Variants in COL4A6 observed in about 807,000 individuals in gnomAD.
COL4A6 encodes collagen type IV alpha 6 chain.
Under a neutral mutation model 126.7 loss-of-function variants are expected in COL4A6, and 59 were observed. That is an observed-to-expected ratio of 0.47 (90% CI 0.38 to 0.58). The LOEUF (loss-of-function observed/expected upper bound fraction) is 0.58. COL4A6 is among the 20% of genes least tolerant of loss of function. The pLI is 0.00. For missense variants in COL4A6, 1,285 were observed against 1,337.3 expected (o/e 0.96, Z 0.61); for synonymous variants, 547 against 496.6 (o/e 1.10, Z -1.35).
At chrX:108,214,324 T>C in intron 5 of COL4A6, 96 bp from the exon 6 acceptor site, 2 of 571,659 alleles carry the variant, frequency 3.5e-6, no homozygotes, top group South Asian at 5.9e-5. Flanking sequence ...GCTATTAAAC[T>C]GTGGCTCCTT....
At chrX:108,285,072 G>C (rs1162614043) in intron 3 of COL4A6, among the ~76,000 whole-genome samples, 2 of 111,734 alleles carry the variant, frequency 1.8e-5, no homozygotes, top group Admixed American at 9.6e-5. Flanking sequence ...AAAACCACCT[G>C]TTCTTTCCCA....
intron 3 of COL4A6, among the ~76,000 whole-genome samples, chrX:108,277,558 G>T (rs1389372081): frequency 1.6e-4 from 18 of 112,437 alleles, no homozygotes; most frequent in Non-Finnish European, 1.9e-5. Context: ...ACCTCTGGGG[G>T]CAGGGCACAA....
chrX:108,357,658 A>G (rs1338573714), intron 2 of COL4A6, among the ~76,000 whole-genome samples: 1 of 110,664 alleles, frequency 9.0e-6, no homozygotes, highest in Non-Finnish European at 1.9e-5. Flanking sequence ...CTCCCTTTAC[A>G]CTACACACTA....
chrX:108,336,547 G>C (rs2039435866), intron 2 of COL4A6, among the ~76,000 whole-genome samples: 2 of 111,051 alleles, frequency 1.8e-5, no homozygotes, highest in African/African-American at 6.5e-5. Flanking sequence ...AGAAAGTTCT[G>C]GAAGTAGATA....
chrX:108,169,547 A>G lies in COL4A6; in HGVS notation c.3639T>C (p.Ile1213=). The change falls in exon 37 of 45, where the codon ATT becomes ATC. Residue 1213 remains isoleucine (I), a synonymous_variant. Coordinates refer to ENST00000334504, the MANE Select transcript of COL4A6 (RefSeq NM_033641.4). ...GPKGEKGYPG[I]GIGAPGKPGL... ...CCGGCTTCCCTGGAGCTCCGATGCCAATTCCTGGATATCCTTTTTCTCCTT... is the reference window on the plus strand; with the variant it reads ...CCGGCTTCCCTGGAGCTCCGATGCCGATTCCTGGATATCCTTTTTCTCCTT... The G allele has an allele frequency of 8.3e-7, 1 of 1,211,554 alleles. No homozygotes were observed. The highest frequency in any genetic ancestry group is 1.1e-6 in the Non-Finnish European group (1 of 895,453).
At chrX:108,406,536 T>C (rs1346307407) in intron 2 of COL4A6, among the ~76,000 whole-genome samples, 1 of 106,464 alleles carries the variant, frequency 9.4e-6, no homozygotes, top group East Asian at 2.8e-4. Flanking sequence ...AGTTTCTACC[T>C]GGCACTTCAT....
At chrX:108,367,401 GA>G (rs1266916917) in intron 2 of COL4A6, among the ~76,000 whole-genome samples, 1 of 111,400 alleles carries the variant, frequency 9.0e-6, no homozygotes, top group Non-Finnish European at 1.9e-5. Flanking sequence ...CACTTACTCT[GA>G]AAAGAGCACA....
chrX:108,279,308 C>A (rs2037722815), intron 3 of COL4A6, among the ~76,000 whole-genome samples: 1 of 110,663 alleles, frequency 9.0e-6, no homozygotes, highest in Non-Finnish European at 1.9e-5. Flanking sequence ...ATCTACCAAG[C>A]CAATGGAAAA....
At chrX:108,169,156 A>C (rs531652810) in intron 37 of COL4A6, among the ~76,000 whole-genome samples, 61 of 111,540 alleles carry the variant, frequency 5.5e-4, no homozygotes, top group South Asian at 5.4e-3. Context: ...AATGCCAGCC[A>C]ACCTCTCACT....
chrX:108,172,326 G>A (rs1168145600), intron 32 of COL4A6, 143 bp downstream of exon 32: 1 of 335,706 alleles, frequency 3.0e-6, no homozygotes, highest in Non-Finnish European at 4.7e-6. Flanking sequence ...CTCCAGCCTA[G>A]GTGACACTAG....
rs752900358 is a variant in COL4A6, at chrX:108,176,910, G to A, written c.2617C>T (p.Leu873=). The A allele has an allele frequency of 3.3e-6, 4 of 1,211,845 alleles. No homozygotes were observed. The South Asian group carries it at 5.3e-5, about 16-fold the overall frequency. ...CCTGGGCTTCCTTTCAGTCCTACTA[G>A]GCCTGGATTTCCAGGAAGGCCTTTT... The part of the protein sequence containing the change: ...GLKGLPGNPG[L]VGLKGSPGSP... Residue 873 remains leucine (L), a synonymous_variant, in exon 28 of 45, where the codon CTA becomes TTA. Transcript: ENST00000334504.
intron 2 of COL4A6, among the ~76,000 whole-genome samples, chrX:108,419,062 A>G (rs985100763): frequency 8.9e-6 from 1 of 112,513 alleles, no homozygotes; most frequent in African/African-American, 3.2e-5. Flanking sequence ...GCTTAAGACA[A>G]GAGGAATTAT....
At chrX:108,372,963 T>C (rs1194368992) in intron 2 of COL4A6, among the ~76,000 whole-genome samples, 1 of 112,318 alleles carries the variant, frequency 8.9e-6, no homozygotes, top group African/African-American at 3.2e-5. Context: ...CTTAGACAGG[T>C]CTATTCAACC....
chrX:108,361,156 A>G (rs1021954834), intron 2 of COL4A6, among the ~76,000 whole-genome samples: 2 of 111,451 alleles, frequency 1.8e-5, no homozygotes, highest in African/African-American at 6.5e-5. Flanking sequence ...TTCTGTTTTC[A>G]AGGATTTTTT....
chrX:108,435,618 TGAA>T (rs1268257026), intron 2 of COL4A6, among the ~76,000 whole-genome samples: 1 of 112,181 alleles, frequency 8.9e-6, no homozygotes, highest in Non-Finnish European at 1.9e-5. Flanking sequence ...TTCACCTGAA[TGAA>T]GATCATTACT....
intron 5 of COL4A6, among the ~76,000 whole-genome samples, chrX:108,215,661 C>T (rs1468635724): frequency 9.0e-6 from 1 of 111,186 alleles, no homozygotes; most frequent in African/African-American, 3.3e-5. Context: ...CATGCCCTCC[C>T]TCCTTGGCTA....
chrX:108,179,424 G>A lies in COL4A6; in HGVS notation c.2146C>T (p.Arg716Cys), dbSNP rs2034610583. 3 of 1,202,844 alleles carry A rather than the reference G, an allele frequency of 2.5e-6. No individual in the cohort carries two copies. Among genetic ancestry groups the A allele is most frequent in the African/African-American group, 1.7e-5 (1 of 57,550 alleles). The part of the protein sequence containing the change: ...LPELPGFPGP[R>C]GEKGLPGFPG... Reference sequence around the variant, plus strand: ...AACCCAGGCAAGCCCTTCTCCCCACGAGGTCCAGGAAATCCTAAACGTAAA... The same window carrying A: ...AACCCAGGCAAGCCCTTCTCCCCACAAGGTCCAGGAAATCCTAAACGTAAA... Residue 716 changes from arginine (R) to cysteine (C), a missense_variant, in exon 26 of 45, where the codon CGT becomes TGT. By Grantham distance (180) the Arg-to-Cys change is radical. Coordinates refer to ENST00000334504, the MANE Select transcript of COL4A6 (RefSeq NM_033641.4).
rs768994544 is a variant in COL4A6, at chrX:108,415,103, C to A, written c.63+22839G>T. 6.2e-3 allele frequency among the ~76,000 whole-genome samples: 694 copies of A among 111,382 alleles called. 5 individuals carry two copies. The highest frequency in any genetic ancestry group is 9.1e-3 in the Non-Finnish European group (484 of 52,968). On this transcript the variant is annotated intron_variant, in intron 2 of 44. Coordinates refer to ENST00000334504, the MANE Select transcript of COL4A6 (RefSeq NM_033641.4). ...GTCTACAAATATCATCCTCTCCATA[C>A]CCACCATTCTCTATTAGCAAATATC... is the stretch of plus-strand genomic sequence containing the variant.
At chrX:108,187,766 A>T in intron 22 of COL4A6, 82 bp downstream of exon 22, 2 of 943,374 alleles carry the variant, frequency 2.1e-6, no homozygotes, top group Non-Finnish European at 2.9e-6. Flanking sequence ...TCCCTGTTTC[A>T]TGGTCCAGTG....
Sources: gnomAD v4.1 joint callset for allele counts (sites outside exome capture counted in the v4.1 genomes callset) on GRCh38, gnomAD v4.1.1 for gene constraint, MANE v1.5 for transcripts, NCBI Gene and HGNC (gene_info 2026-07-23, HGNC 2026-07-21) for gene names.